Variants in MAGEC3 observed in about 807,000 individuals in gnomAD.
MAGEC3 encodes MAGE family member C3, also known as melanoma-associated antigen C3.
Under a neutral mutation model 35.3 loss-of-function variants are expected in MAGEC3, and 34 were observed. The observed-to-expected ratio is 0.96, with a 90% CI of 0.73 to 1.28. MAGEC3 has a LOEUF of 1.28. Among genes scored for constraint, MAGEC3 ranks in the 50% most tolerant of loss-of-function variants. The probability of loss-of-function intolerance (pLI) is 0.00; values close to 1 mark genes in which losing one functional copy is unlikely to be tolerated. For synonymous variants in MAGEC3, 202 were observed against 185.6 expected (o/e 1.09, Z -0.72); for missense variants, 561 against 483.6 (o/e 1.16, Z -1.50).
chrX:141,895,599 A>G, intron 6 of MAGEC3, 40 bp downstream of exon 6: 2 of 1,136,904 alleles, frequency 1.8e-6, no homozygotes, highest in East Asian at 6.2e-5. Flanking sequence ...GACATTGAGG[A>G]GGACTGGGGG....
chrX:141,856,849 C>G (rs934005547), intron 1 of MAGEC3, among the ~76,000 whole-genome samples: 3 of 111,937 alleles, frequency 2.7e-5, no homozygotes, highest in African/African-American at 9.7e-5. Context: ...TGGAAGGGAG[C>G]AGTTTTAAAG....
chrX:141,878,237 G>A (rs1273622210), intron 2 of MAGEC3, among the ~76,000 whole-genome samples: 1 of 108,400 alleles, frequency 9.2e-6, no homozygotes, highest in Non-Finnish European at 1.9e-5. Context: ...TGAACAGAGA[G>A]GTGAAGTGCC....
chrX:141,879,333 G>C lies in MAGEC3; in HGVS notation c.417G>C (p.Lys139Asn). The C allele has an allele frequency of 8.3e-7, 1 of 1,203,559 alleles. No homozygotes were observed. The highest frequency in any genetic ancestry group is 1.1e-6 in the Non-Finnish European group (1 of 891,262). ...WPLNEKRTLW[K>N]DSDLPTWRRG... is the part of the protein sequence containing the mutation. ...TCAACGAGAAGAGAACTCTGTGGAA[G>C]GACAGTGACCTTCCAACATGGAGGA... The change falls in exon 3 of 8, where the codon AAG (lysine) becomes AAC (asparagine). Residue 139 changes from lysine to asparagine, a missense_variant. Transcript: ENST00000298296.
chrX:141,856,293 A>G (rs1422770104), intron 1 of MAGEC3, among the ~76,000 whole-genome samples: 1 of 111,542 alleles, frequency 9.0e-6, no homozygotes, highest in Non-Finnish European at 1.9e-5. Context: ...TTAGTGCTAC[A>G]TAATTTAGGA....
chrX:141,881,175 C>G (rs193021364), intron 3 of MAGEC3, among the ~76,000 whole-genome samples: 1 of 110,669 alleles, frequency 9.0e-6, no homozygotes, highest in East Asian at 2.9e-4. Flanking sequence ...CCTCTTTCTC[C>G]TCTTCCTCCT....
At chrX:141,865,193 T>A (rs1255569692) in intron 1 of MAGEC3, among the ~76,000 whole-genome samples, 1 of 111,704 alleles carries the variant, frequency 9.0e-6, no homozygotes, top group Non-Finnish European at 1.9e-5. Context: ...CTCAACAGTG[T>A]CTTTCTCAAA....
At chrX:141,851,096 C>A (rs1272411386) in intron 1 of MAGEC3, among the ~76,000 whole-genome samples, 1 of 110,866 alleles carries the variant, frequency 9.0e-6, no homozygotes, top group Non-Finnish European at 1.9e-5. Flanking sequence ...ACTTGACATA[C>A]TAACTAAAAA....
intron 4 of MAGEC3, among the ~76,000 whole-genome samples, chrX:141,882,067 T>C (rs2017970487): frequency 8.9e-6 from 1 of 111,795 alleles, no homozygotes; most frequent in Admixed American, 9.5e-5. Context: ...CAGGCCATAA[T>C]TGACACCAAA....
At chrX:141,882,048 GAC>G (rs2017970396) in intron 4 of MAGEC3, among the ~76,000 whole-genome samples, 1 of 111,792 alleles carries the variant, frequency 8.9e-6, no homozygotes, top group Admixed American at 9.5e-5. Context: ...AGATGTGGAA[GAC>G]AGAGCCCAGG....
At chrX:141,895,013 A>G (rs1423588607) in intron 4 of MAGEC3, among the ~76,000 whole-genome samples, 2 of 89,843 alleles carry the variant, frequency 2.2e-5, no homozygotes, top group Admixed American at 2.5e-4. Flanking sequence ...ATGGGCAATA[A>G]AAGGTGAAAG....
At chrX:141,894,124 A>AACTCT (rs2124128310) in intron 4 of MAGEC3, among the ~76,000 whole-genome samples, 1 of 111,881 alleles carries the variant, frequency 8.9e-6, no homozygotes, top group East Asian at 2.8e-4. Context: ...CTGCAAACAG[A>AACTCT]GCATAGTTGC....
At position 141,895,324 on chromosome X, in the gene MAGEC3, A is replaced by G. The variant is rs1225069464; in HGVS notation, c.965A>G (p.Glu322Gly). The change falls in exon 5 of 8, where the codon GAG (glutamate) becomes GGG (glycine). Residue 322 changes from glutamate (E) to glycine (G), a missense_variant. Physicochemically the swap from Glu to Gly is moderately conservative, Grantham distance 98. Transcript: ENST00000298296. ...ADVLSRLALW[E>G]SEGPEAFCEE... ...GTGCTTTCCCGACTTGCACTGTGGGAGTCTGAAGGACCTGAAGCATTTTGC... is the reference window on the plus strand; with the variant it reads ...GTGCTTTCCCGACTTGCACTGTGGGGGTCTGAAGGACCTGAAGCATTTTGC... 8.3e-7 allele frequency: 1 copy of G among 1,210,519 alleles called. No individual in the cohort carries two copies. The highest frequency in any genetic ancestry group is 2.2e-5 in the Admixed American group (1 of 45,936).
chrX:141,879,083 T>A, intron 2 of MAGEC3, 92 bp from the exon 3 acceptor site: 1 of 1,053,604 alleles, frequency 9.5e-7, no homozygotes, highest in Non-Finnish European at 1.3e-6. Flanking sequence ...GCCAGGCGGT[T>A]TCCAGGAGTC....
chrX:141,880,853 G>C (rs748453522), intron 3 of MAGEC3: 2 of 1,132,444 alleles, frequency 1.8e-6, no homozygotes, highest in Non-Finnish European at 2.4e-6. Flanking sequence ...GCCTTTGTCA[G>C]AACCACCATG....
chrX:141,897,217 A>T lies in MAGEC3; in HGVS notation c.1459A>T (p.Ile487Phe). Residue 487 changes from isoleucine to phenylalanine, a missense_variant, in exon 7 of 8, where the codon ATC becomes TTC. Physicochemically the swap from Ile to Phe is conservative, Grantham distance 21. Transcript: ENST00000298296. ...AAAGGCAGAGATGCTGACGACTGTC[A>T]TCAAGAAGTATAAGGACTATTTTCC... ...VTKAEMLTTV[I>F]KKYKDYFPMI... 1 of 1,212,116 alleles carries T rather than the reference A, an allele frequency of 8.3e-7. No homozygotes were observed. The highest frequency in any genetic ancestry group is 1.1e-6 in the Non-Finnish European group (1 of 895,603).
chrX:141,877,254 A>G (rs1164062591), intron 2 of MAGEC3, among the ~76,000 whole-genome samples: 1 of 111,422 alleles, frequency 9.0e-6, no homozygotes, highest in Non-Finnish European at 1.9e-5. Context: ...TTTTTTGGTT[A>G]AGCTTTTTTA....
chrX:141,875,774 A>G (rs867094951), intron 2 of MAGEC3, among the ~76,000 whole-genome samples: 1 of 111,989 alleles, frequency 8.9e-6, no homozygotes, highest in African/African-American at 3.3e-5. Flanking sequence ...TCCCGAGGGC[A>G]TGGGACCAGA....
At chrX:141,880,867 G>C (rs758076822) in intron 3 of MAGEC3, 1 of 1,114,435 alleles carries the variant, frequency 9.0e-7, no homozygotes, top group African/African-American at 1.8e-5. Flanking sequence ...CACCATGGGT[G>C]AGTTTCTCAG....
chrX:141,849,281 C>T (rs1172874979), intron 1 of MAGEC3, among the ~76,000 whole-genome samples: 1 of 110,853 alleles, frequency 9.0e-6, no homozygotes, highest in Non-Finnish European at 1.9e-5. Context: ...GAAATTAACT[C>T]AAGATGAATT....
Sources: gnomAD v4.1 joint callset for allele counts (sites outside exome capture counted in the v4.1 genomes callset) on GRCh38, gnomAD v4.1.1 for gene constraint, MANE v1.5 for transcripts, NCBI Gene and HGNC (gene_info 2026-07-23, HGNC 2026-07-21) for gene names.